Variants in VAV2 observed in about 807,000 individuals in gnomAD.
VAV2 encodes the protein vav guanine nucleotide exchange factor 2.
In VAV2, 67 loss-of-function variants were observed where a neutral mutation model predicts 132.5. The ratio of observed to expected loss-of-function variants is 0.51; its 90% confidence interval spans 0.42 to 0.62. The LOEUF is 0.62. Among genes scored for constraint, VAV2 ranks in the 20% least tolerant of loss-of-function variants. The pLI is 0.00. For synonymous variants in VAV2, 492 were observed against 443.5 expected (o/e 1.11, Z -1.37); for missense variants, 938 against 1,153.6 (o/e 0.81, Z 2.71).
At position 133,991,728 on chromosome 9, in the gene VAV2, G is replaced by A. The variant is rs1332490161; in HGVS notation, c.204+347C>T. ...ACGACGCGCACACCCGGCTCGGCAGGCTCCCTGGGAAATGAGGGGCCACTC... is the reference window on the plus strand; with the variant it reads ...ACGACGCGCACACCCGGCTCGGCAGACTCCCTGGGAAATGAGGGGCCACTC... On this transcript the variant is annotated intron_variant, in intron 1 of 29. Coordinates refer to ENST00000371850, the MANE Select transcript of VAV2 (RefSeq NM_001134398.2). The surrounding 1 kb of genome is among the most constrained non-coding windows in gnomAD (Gnocchi z 4.8). Among the ~76,000 whole-genome samples, 1 of 151,376 alleles carries A rather than the reference G, an allele frequency of 6.6e-6. No individual in the cohort carries two copies. Among genetic ancestry groups the A allele is most frequent in the Non-Finnish European group, 1.5e-5 (1 of 67,736 alleles).
At chr9:133,829,973 A>G (rs543517228) in intron 4 of VAV2, among the ~76,000 whole-genome samples, 1 of 152,268 alleles carries the variant, frequency 6.6e-6, no homozygotes, top group East Asian at 1.9e-4. Flanking sequence ...CCTGGTTCCA[A>G]GCCTGACACA....
chr9:133,968,756 G>A (rs1800879708), intron 1 of VAV2, among the ~76,000 whole-genome samples: 1 of 152,160 alleles, frequency 6.6e-6, no homozygotes, highest in Non-Finnish European at 1.5e-5. Context: ...TGTCAGCCCT[G>A]GGCTCACTCC....
At chr9:133,806,731 C>T (rs959163068) in intron 8 of VAV2, among the ~76,000 whole-genome samples, 11 of 152,346 alleles carry the variant, frequency 7.2e-5, no homozygotes, top group East Asian at 3.9e-4. Flanking sequence ...ACACAGCCAC[C>T]GCACGGGCTG....
chr9:133,780,050 G>A (rs116706914), intron 20 of VAV2, 111 bp from the exon 21 acceptor site: 3 of 1,454,446 alleles, frequency 2.1e-6, no homozygotes, highest in African/African-American at 2.8e-5. Context: ...AGATAGAGGG[G>A]TCAAGGCAGG....
intron 9 of VAV2, 111 bp downstream of exon 9, chr9:133,805,970 C>T: frequency 2.5e-6 from 3 of 1,194,144 alleles, no homozygotes; most frequent in Non-Finnish European, 2.3e-6. Context: ...GAGGGGGCGG[C>T]CCCTGCCTCG....
chr9:133,891,592 G>T, intron 2 of VAV2, among the ~76,000 whole-genome samples: 1 of 20,392 alleles, frequency 4.9e-5, no homozygotes. Context: ...AAGGAGGGAA[G>T]GGAGGGAGGG....
At chr9:133,803,633 C>T (rs1163779731) in intron 9 of VAV2, among the ~76,000 whole-genome samples, 2 of 152,222 alleles carry the variant, frequency 1.3e-5, no homozygotes, top group Non-Finnish European at 1.5e-5. Context: ...AGGCTGCATT[C>T]ATGAAAGTAT....
intron 1 of VAV2, among the ~76,000 whole-genome samples, chr9:133,981,420 AG>A (rs1287388543): frequency 5.3e-5 from 8 of 152,196 alleles, no homozygotes; most frequent in Non-Finnish European, 1.2e-4. Context: ...CGGCAGTCTC[AG>A]GAAGAGAGCC....
At chr9:133,854,221 C>T (rs1427259322) in intron 3 of VAV2, among the ~76,000 whole-genome samples, 4 of 150,596 alleles carry the variant, frequency 2.7e-5, no homozygotes, top group Admixed American at 2.6e-4. Flanking sequence ...ACACACACAC[C>T]CATGTGCACC....
At chr9:133,797,622 G>T in intron 10 of VAV2, 88 bp downstream of exon 10, 1 of 1,173,006 alleles carries the variant, frequency 8.5e-7, no homozygotes, top group Non-Finnish European at 1.2e-6. Flanking sequence ...CAACAAATGG[G>T]CAAGAGAGAG....
chr9:133,778,621 C>T lies in VAV2; in HGVS notation c.1890+141G>A, dbSNP rs1353363767. The T allele has an allele frequency of 3.8e-6, 5 of 1,319,690 alleles. No homozygotes were observed. The African/African-American group carries it at 4.4e-5, about 12-fold the overall frequency. The allele number at this position is 1,319,690 out of a possible 1,614,324, so 81.7% of individuals were successfully genotyped here. ...CTGAGGCAGGAGAGGCCTTGCTAGG[C>T]CCCCTGTGCCTCCTCCTCCCTGGTG... On this transcript the variant is annotated intron_variant, in intron 22 of 29. Coordinates refer to ENST00000371850, the MANE Select transcript of VAV2 (RefSeq NM_001134398.2).
At chr9:133,816,300 C>T (rs1325446977) in intron 4 of VAV2, among the ~76,000 whole-genome samples, 1 of 152,240 alleles carries the variant, frequency 6.6e-6, no homozygotes, top group East Asian at 1.9e-4. Context: ...GATATTCAAG[C>T]ATTCACCTTT....
chr9:133,771,899 G>A, intron 26 of VAV2, 60 bp downstream of exon 26: 1 of 1,483,594 alleles, frequency 6.7e-7, no homozygotes, highest in African/African-American at 1.4e-5. Flanking sequence ...TCAGGGCCGG[G>A]AGGAAGCACC....
chr9:133,964,122 G>A (rs1842070594), intron 1 of VAV2, among the ~76,000 whole-genome samples: 1 of 147,582 alleles, frequency 6.8e-6, no homozygotes, highest in Admixed American at 6.8e-5. Context: ...CACTTTGGGA[G>A]TCCAAGGTGC....
rs762885980 is a variant in VAV2 at position 133,992,307 on chromosome 9, C to T, written c.-29G>A. 20 of 1,371,078 alleles carry T rather than the reference C, an allele frequency of 1.5e-5. No individual in the cohort carries two copies. In the African/African-American group the frequency reaches 2.4e-4, roughly 16 times the overall value. The allele number at this position is 1,371,078 out of a possible 1,614,324, so 84.9% of individuals were successfully genotyped here. ...GCCCGCGGGCCCGACCGGCTCAGGG[C>T]AGTGCTCGAGCCAAAGTGCAGCGGC... On this transcript the variant is annotated 5_prime_UTR_variant, in exon 1 of 30. Coordinates refer to ENST00000371850, the MANE Select transcript of VAV2 (RefSeq NM_001134398.2). This position sits in a 1 kb window ranked among gnomAD's most constrained non-coding sequence, Gnocchi z 5.5.
chr9:133,892,435 A>G (rs1363483796), intron 2 of VAV2, among the ~76,000 whole-genome samples: 1 of 151,778 alleles, frequency 6.6e-6, no homozygotes, highest in Non-Finnish European at 1.5e-5. Flanking sequence ...TCATTAGAGC[A>G]CCCTTACCAG....
chr9:133,774,849 G>A (rs560390965), intron 25 of VAV2, 86 bp downstream of exon 25: 567 of 1,231,918 alleles, frequency 4.6e-4, no homozygotes, highest in Non-Finnish European at 4.8e-4. Context: ...CCAACCCCAC[G>A]AGCTCAGGAC....
At chr9:133,846,522 T>A (rs186425764) in intron 3 of VAV2, among the ~76,000 whole-genome samples, 43 of 152,164 alleles carry the variant, frequency 2.8e-4, no homozygotes, top group African/African-American at 9.2e-4. Context: ...AGGGCTCCCC[T>A]CACACGTTGC....
intron 16 of VAV2, chr9:133,786,123 G>A: frequency 5.3e-6 from 3 of 561,208 alleles, no homozygotes; most frequent in Admixed American, 2.4e-5. Context: ...ACCCTCACGT[G>A]AGAATACATA....
Sources: gnomAD v4.1 joint callset for allele counts (sites outside exome capture counted in the v4.1 genomes callset) on GRCh38, gnomAD v4.1.1 for gene constraint, Gnocchi (gnomAD v3.1) non-coding constraint, MANE v1.5 for transcripts, NCBI Gene and HGNC (gene_info 2026-07-23, HGNC 2026-07-21) for gene names.